DNAJC6: variants seen among roughly 807,000 people sequenced by gnomAD.
DNAJC6 encodes auxilin.
In DNAJC6, 34 loss-of-function variants were observed where a neutral mutation model predicts 110.0. The ratio of observed to expected loss-of-function variants is 0.31; its 90% CI spans 0.24 to 0.41. DNAJC6 has a LOEUF of 0.41. Among genes scored for constraint, DNAJC6 ranks in the 10% least tolerant of loss-of-function variants. The pLI, the probability that DNAJC6 is intolerant of heterozygous loss-of-function variation, is 1.00. For missense variants in DNAJC6, 1,031 were observed against 1,207.8 expected, an observed-to-expected ratio of 0.85 and a Z score of 2.17; for synonymous variants, 406 against 437.2, an observed-to-expected ratio of 0.93 and a Z score of 0.89.
intron 1 of DNAJC6, among the ~76,000 whole-genome samples, chr1:65,301,653 A>G (rs1251052930): frequency 6.6e-6 from 1 of 152,168 alleles, no homozygotes; most frequent in Admixed American, 6.6e-5. Flanking sequence ...CCAAGCTGCC[A>G]TGCCCTCTCT....
At chr1:65,317,927 A>G (rs1007601379) in intron 1 of DNAJC6, among the ~76,000 whole-genome samples, 4 of 151,968 alleles carry the variant, frequency 2.6e-5, no homozygotes, top group African/African-American at 7.3e-5. Context: ...AAGAAAGAAA[A>G]CCCGTTTTGG....
At chr1:65,410,974 G>A (rs532838872) in intron 17 of DNAJC6, among the ~76,000 whole-genome samples, 4 of 152,142 alleles carry the variant, frequency 2.6e-5, no homozygotes, top group Non-Finnish European at 5.9e-5. Flanking sequence ...GTATAACTCT[G>A]GGGGTGGGGA....
At chr1:65,403,939 C>T (rs1227354411) in intron 15 of DNAJC6, among the ~76,000 whole-genome samples, 1 of 152,120 alleles carries the variant, frequency 6.6e-6, no homozygotes, top group Non-Finnish European at 1.5e-5. Flanking sequence ...GAATAACTGG[C>T]AGTGTGGTAG....
chr1:65,359,036 A>G (rs555103328), intron 1 of DNAJC6, among the ~76,000 whole-genome samples: 1 of 152,366 alleles, frequency 6.6e-6, no homozygotes, highest in South Asian at 2.1e-4. Flanking sequence ...GTCCACGGCT[A>G]AGAAATCAAT....
rs1394872501 is a variant in DNAJC6 at position 65,386,870 on chromosome 1, G to A, written c.1054G>A (p.Asp352Asn). Residue 352 changes from aspartate (D) to asparagine (N), a missense_variant, in exon 8 of 19, where the codon GAC (aspartate) becomes AAC (asparagine). By Grantham distance (23) the Asp-to-Asn change is conservative (BLOSUM62 1). Coordinates refer to ENST00000371069, the MANE Select transcript of DNAJC6 (RefSeq NM_001256864.2). ...FIPLNITVQGDVVVSMYHLRS... is the reference protein window; with the variant it reads ...FIPLNITVQGNVVVSMYHLRS... ...TCCCTTGAACATCACTGTGCAAGGA[G>A]ACGTGGTTGTTTCCATGTATCACTT... 6.2e-7 allele frequency: 1 copy of A among 1,614,042 alleles called. No homozygotes were observed. Among genetic ancestry groups the A allele is most frequent in the Non-Finnish European group, 8.5e-7 (1 of 1,180,020 alleles).
chr1:65,280,335 T>TC (rs1226022306), intron 1 of DNAJC6, among the ~76,000 whole-genome samples: 1 of 152,182 alleles, frequency 6.6e-6, no homozygotes, highest in East Asian at 1.9e-4. Context: ...TATTTTTTTT[T>TC]CACTTAATAT....
chr1:65,364,814 T>C (rs1557543378), intron 2 of DNAJC6, 29 bp downstream of exon 2: 1 of 1,610,440 alleles, frequency 6.2e-7, no homozygotes, highest in Middle Eastern at 1.7e-4. Flanking sequence ...GTTAATTTAG[T>C]GGATCCCCAT....
At chr1:65,282,041 T>C (rs1653869852) in intron 1 of DNAJC6, among the ~76,000 whole-genome samples, 1 of 152,140 alleles carries the variant, frequency 6.6e-6, no homozygotes, top group South Asian at 2.1e-4. Flanking sequence ...GTCCTTCTGC[T>C]CAGCCACCCG....
At chr1:65,371,608 T>C in intron 4 of DNAJC6, among the ~76,000 whole-genome samples, 1 of 152,230 alleles carries the variant, frequency 6.6e-6, no homozygotes, top group Non-Finnish European at 1.5e-5. Flanking sequence ...CATTCATTCC[T>C]ATGCTTAGTG....
intron 4 of DNAJC6, among the ~76,000 whole-genome samples, chr1:65,373,028 T>G (rs1645722586): frequency 6.6e-6 from 1 of 152,162 alleles, no homozygotes; most frequent in African/African-American, 2.4e-5. Context: ...GATCCACATT[T>G]TTAGTTTCTG....
chr1:65,275,256 G>A (rs1334713889), intron 1 of DNAJC6, among the ~76,000 whole-genome samples: 1 of 151,910 alleles, frequency 6.6e-6, no homozygotes, highest in Non-Finnish European at 1.5e-5. Flanking sequence ...ATTTCTTGTA[G>A]TGCATATATG....
At chr1:65,276,209 T>C (rs575929970) in intron 1 of DNAJC6, among the ~76,000 whole-genome samples, 26 of 152,336 alleles carry the variant, frequency 1.7e-4, no homozygotes, top group African/African-American at 6.3e-4. Context: ...CAAAAGAGAT[T>C]CTTCACCTTG....
At chr1:65,354,809 C>A (rs895027363) in intron 1 of DNAJC6, among the ~76,000 whole-genome samples, 1 of 152,090 alleles carries the variant, frequency 6.6e-6, no homozygotes, top group African/African-American at 2.4e-5. Flanking sequence ...TACACACAAG[C>A]ACATGTATAT....
chr1:65,303,361 T>C (rs1040501526), intron 1 of DNAJC6, among the ~76,000 whole-genome samples: 7 of 152,204 alleles, frequency 4.6e-5, no homozygotes, highest in African/African-American at 1.7e-4. Context: ...ATTTGTTACA[T>C]CGGTTATAAA....
chr1:65,283,909 G>A (rs1256539953), intron 1 of DNAJC6, among the ~76,000 whole-genome samples: 3 of 152,108 alleles, frequency 2.0e-5, no homozygotes, highest in Admixed American at 6.5e-5. Flanking sequence ...AATATGTTAA[G>A]TTTTGAACTC....
Position 65,292,016 on chromosome 1 carries a change from ATTTACTT to A in DNAJC6, c.-131+27095_-131+27101del, listed in dbSNP as rs1644880580. 3.3e-5 allele frequency among the ~76,000 whole-genome samples: 5 copies of A among 149,300 alleles called. No individual in the cohort carries two copies. The South Asian group carries it at 1.1e-3, about 32-fold the overall frequency. On this transcript the variant is annotated intron_variant, in intron 1 of 19. Coordinates refer to the DNAJC6 transcript ENST00000263441. ...TTCTTTACAAATGTTTTTATTTTTTATTTACTTTTTACTTTTTGAGATGGAGTTTCGC... is the reference window on the plus strand; with the variant it reads ...TTCTTTACAAATGTTTTTATTTTTTATTTACTTTTTGAGATGGAGTTTCGC...
intron 1 of DNAJC6, among the ~76,000 whole-genome samples, chr1:65,348,757 T>C (rs1264991539): frequency 1.3e-5 from 2 of 151,118 alleles, no homozygotes; most frequent in African/African-American, 2.4e-5. Flanking sequence ...TTTAGATTTA[T>C]TATAATTATT....
chr1:65,385,499 T>C (rs1170993717), intron 6 of DNAJC6, among the ~76,000 whole-genome samples: 1 of 152,224 alleles, frequency 6.6e-6, no homozygotes, highest in Non-Finnish European at 1.5e-5. Context: ...AATACCCCAG[T>C]ATCAGTTCAT....
In DNAJC6 at chr1:65,413,867, CTTTTGTTTAGCCAA is replaced by C. The variant is rs1341269067; in HGVS notation, c.*843_*856del. The C allele has an allele frequency of 1.3e-5, 2 of 152,168 alleles. No homozygotes were observed. The highest frequency in any genetic ancestry group is 2.9e-5 in the Non-Finnish European group (2 of 68,030). The allele number at this position is 152,168 out of a possible 1,614,324, so 9.4% of individuals were successfully genotyped here. A position where few individuals can be genotyped will look rare whatever the true frequency, so the allele number is the denominator to read the frequency against. Reference sequence around the variant, plus strand: ...TTTTGCTGTAAGGCTTAATGCTCTTCTTTTGTTTAGCCAAGAAAACATTCTTAGTTGGAAACAGG... The same window carrying C: ...TTTTGCTGTAAGGCTTAATGCTCTTCGAAAACATTCTTAGTTGGAAACAGG... On this transcript the variant is annotated 3_prime_UTR_variant, in exon 19 of 19. Coordinates refer to ENST00000371069, the MANE Select transcript of DNAJC6 (RefSeq NM_001256864.2).
Sources: allele counts gnomAD v4.1 joint callset (sites outside exome capture counted in the v4.1 genomes callset), GRCh38; gene constraint gnomAD v4.1.1; transcripts MANE v1.5; gene names NCBI Gene and HGNC (gene_info 2026-07-23, HGNC 2026-07-21).